RABGAP1: variants seen among roughly 807,000 people sequenced by gnomAD.
RABGAP1 encodes the protein RAB GTPase activating protein 1.
RABGAP1 carries 23 observed loss-of-function variants against 137.6 expected under a neutral mutation model. The observed-to-expected ratio is 0.17, with a 90% confidence interval of 0.12 to 0.24. The LOEUF (loss-of-function observed/expected upper bound fraction) is 0.24, where lower values mean the gene tolerates loss of function less well. Ranked by LOEUF, RABGAP1 falls within the 10% of genes least tolerant of loss-of-function variation. The probability of loss-of-function intolerance (pLI) is 1.00; values close to 1 mark genes in which losing one functional copy is unlikely to be tolerated. For synonymous variants in RABGAP1, 451 were observed against 450.7 expected (o/e 1.00, Z -0.01); for missense variants, 906 against 1,275.8 (o/e 0.71, Z 4.42).
At chr9:122,934,801 C>T in the RABGAP1 span, among the ~76,000 whole-genome samples, 2 of 152,154 alleles carry the variant, frequency 1.3e-5, no homozygotes, top group Non-Finnish European at 2.9e-5. Flanking sequence ...CTTTCTCAGC[C>T]TCCAGAGTAG....
intron 13 of RABGAP1, among the ~76,000 whole-genome samples, chr9:123,031,003 G>C (rs2032269222): frequency 6.6e-6 from 1 of 151,768 alleles, no homozygotes; most frequent in Admixed American, 6.6e-5. Flanking sequence ...TCCTAGAGTG[G>C]TTTCACTAAA....
Position 123,094,195 on chromosome 9 carries a change from TAC to T in RABGAP1, c.2629-3544_2629-3543del, listed in dbSNP as rs545167907. ...CATATACAATCATATCATCTCTGAATACAGTTTTTCTTCCTTTCATATTTATC... is the reference window on the plus strand; with the variant it reads ...CATATACAATCATATCATCTCTGAATAGTTTTTCTTCCTTTCATATTTATC... On this transcript the variant is annotated intron_variant, in intron 21 of 25. Transcript: ENST00000373647. Among the ~76,000 whole-genome samples, 73 of 152,348 alleles carry T rather than the reference TAC, an allele frequency of 4.8e-4. 3 individuals are homozygous for T. In the East Asian group the frequency reaches 0.012, roughly 26 times the overall value.
At chr9:123,031,461 A>G (rs78796813) in intron 13 of RABGAP1, among the ~76,000 whole-genome samples, 487 of 152,314 alleles carry the variant, frequency 3.2e-3, no homozygotes, top group Non-Finnish European at 6.1e-3. Flanking sequence ...CTCTTGAACA[A>G]TGGGGTACAA....
intron 1 of RABGAP1, among the ~76,000 whole-genome samples, chr9:122,956,146 TAA>T (rs1834504475): frequency 6.6e-6 from 1 of 152,210 alleles, no homozygotes; most frequent in South Asian, 2.1e-4. Context: ...AGCTGAGTTC[TAA>T]GAAACTGTGG....
At chr9:122,947,663 A>T (rs183638742) in intron 1 of RABGAP1, among the ~76,000 whole-genome samples, 1 of 152,184 alleles carries the variant, frequency 6.6e-6, no homozygotes, top group Admixed American at 6.5e-5. Context: ...GGTAGGCTCA[A>T]ATTTGCCTAA....
At chr9:123,095,395 T>G (rs2035152330) in intron 21 of RABGAP1, among the ~76,000 whole-genome samples, 1 of 152,178 alleles carries the variant, frequency 6.6e-6, no homozygotes, top group Non-Finnish European at 1.5e-5. Flanking sequence ...TTTTCTAAAA[T>G]AAGCATTTAA....
chr9:123,046,664 C>T (rs1399363022), intron 13 of RABGAP1, among the ~76,000 whole-genome samples: 1 of 152,180 alleles, frequency 6.6e-6, no homozygotes, highest in African/African-American at 2.4e-5. Flanking sequence ...GCACTCAGTA[C>T]ATGTTAGCTG....
At chr9:123,051,236 T>G in intron 13 of RABGAP1, among the ~76,000 whole-genome samples, 1 of 70,266 alleles carries the variant, frequency 1.4e-5, no homozygotes. Context: ...TTTTTTTTTT[T>G]TTTTTTTTTT....
At chr9:123,089,698 G>C in intron 19 of RABGAP1, 60 bp from the exon 20 acceptor site, 1 of 1,360,834 alleles carries the variant, frequency 7.3e-7, no homozygotes, top group Middle Eastern at 1.8e-4. Flanking sequence ...TTCAGTGCAG[G>C]CACTGAAGCA....
intron 2 of RABGAP1, among the ~76,000 whole-genome samples, chr9:122,973,908 G>C (rs573038869): frequency 2.6e-5 from 4 of 152,144 alleles, no homozygotes; most frequent in African/African-American, 9.6e-5. Flanking sequence ...TACTCCGGAG[G>C]CTGAGGCAGG....
intron 6 of RABGAP1, among the ~76,000 whole-genome samples, chr9:122,993,604 T>C (rs1038545786): frequency 1.3e-5 from 2 of 152,074 alleles, no homozygotes; most frequent in African/African-American, 4.8e-5. Flanking sequence ...GAAACCTGCT[T>C]CTCCATTTTG....
At chr9:123,076,433 G>C (rs2034512168) in intron 18 of RABGAP1, 147 bp downstream of exon 18, 1 of 1,145,686 alleles carries the variant, frequency 8.7e-7, no homozygotes. Flanking sequence ...CAAAAGCGAA[G>C]AAATATCTTC....
intron 10 of RABGAP1, among the ~76,000 whole-genome samples, chr9:123,002,596 A>G (rs929114772): frequency 5.3e-5 from 8 of 151,648 alleles, no homozygotes; most frequent in Admixed American, 2.0e-4. Context: ...ATAGAAGAAT[A>G]TATCTTTCTA....
intron 9 of RABGAP1, 84 bp from the exon 10 acceptor site, chr9:122,998,510 TAAA>T: frequency 8.7e-7 from 1 of 1,148,210 alleles, no homozygotes; most frequent in Non-Finnish European, 1.2e-6. Context: ...AAGTTTATAA[TAAA>T]AGTAATAGCT....
At chr9:123,035,149 A>G (rs542409705) in intron 13 of RABGAP1, 2 of 1,613,920 alleles carry the variant, frequency 1.2e-6, no homozygotes, top group Admixed American at 1.7e-5. Flanking sequence ...CACCCTGTTC[A>G]TCGTGATGAT....
intron 1 of RABGAP1, among the ~76,000 whole-genome samples, chr9:122,952,208 G>A (rs1834287227): frequency 6.6e-6 from 1 of 152,138 alleles, no homozygotes; most frequent in East Asian, 1.9e-4. Flanking sequence ...GTTTATGCCT[G>A]TAATCCCAGC....
chr9:122,963,546 G>A (rs994700803), intron 2 of RABGAP1, among the ~76,000 whole-genome samples: 1 of 152,030 alleles, frequency 6.6e-6, no homozygotes, highest in Admixed American at 6.6e-5. Flanking sequence ...GAAAAAAAAA[G>A]GAAGTTAGAA....
intron 6 of RABGAP1, 195 bp downstream of exon 6, chr9:122,990,408 A>T (rs999340845): frequency 2.5e-6 from 1 of 401,314 alleles, no homozygotes; most frequent in Non-Finnish European, 4.3e-6. Context: ...AATTAAAAAA[A>T]TTGTCATATT....
At chr9:123,099,360 G>A in intron 23 of RABGAP1, 118 bp from the exon 24 acceptor site, 2 of 931,878 alleles carry the variant, frequency 2.1e-6, no homozygotes, top group African/African-American at 1.6e-5. Flanking sequence ...CTCCTGAGCG[G>A]TAGCAGGCTA....
Sources: allele counts gnomAD v4.1 joint callset (sites outside exome capture counted in the v4.1 genomes callset), GRCh38; gene constraint gnomAD v4.1.1; transcripts MANE v1.5; gene names NCBI Gene and HGNC (gene_info 2026-07-23, HGNC 2026-07-21).